Variants in PPP2R3B observed in about 807,000 individuals in gnomAD.
PPP2R3B encodes the protein protein phosphatase 2 regulatory subunit B''beta, also known as serine/threonine-protein phosphatase 2A regulatory subunit B'' subunit beta.
Under a neutral mutation model 72.9 loss-of-function variants are expected in PPP2R3B, and 68 were observed. The ratio of observed to expected loss-of-function variants is 0.93; its 90% CI spans 0.77 to 1.14. PPP2R3B has a LOEUF of 1.14. Ranked by LOEUF, PPP2R3B falls within the 50% of genes most tolerant of loss-of-function variation. PPP2R3B has a pLI of 0.00. For synonymous variants in PPP2R3B, 466 were observed against 375.8 expected, an observed-to-expected ratio of 1.24 and a Z score of -2.78; for missense variants, 1,018 against 842.0, an observed-to-expected ratio of 1.21 and a Z score of -2.59.
intron 1 of PPP2R3B, among the ~76,000 whole-genome samples, chrX:368,326 T>C (rs1328674571): frequency 1.1e-4 from 8 of 74,010 alleles, no homozygotes; most frequent in South Asian, 5.5e-4. Context: ...CCACCCACCT[T>C]GGGCACCGAC....
intron 6 of PPP2R3B, 40 bp from the exon 7 acceptor site, chrX:345,712 C>A: frequency 7.4e-7 from 1 of 1,344,074 alleles, no homozygotes. Context: ...GGGGCCTCTG[C>A]GGGGATGCCC....
At chrX:350,938 G>T (rs905304196) in intron 2 of PPP2R3B, among the ~76,000 whole-genome samples, 1 of 152,146 alleles carries the variant, frequency 6.6e-6, no homozygotes, top group Admixed American at 6.5e-5. Flanking sequence ...GAGAGGAGCC[G>T]GACGCCAGAG....
chrX:345,015 C>T (rs1452884456), intron 7 of PPP2R3B: 5 of 371,306 alleles, frequency 1.3e-5, no homozygotes, highest in Non-Finnish European at 2.6e-5. Flanking sequence ...GTGGATGACT[C>T]TTAGAGGGGC....
intron 1 of PPP2R3B, among the ~76,000 whole-genome samples, chrX:364,506 TA>T (rs748519595): frequency 0.14 from 6,314 of 44,314 alleles, 280 homozygotes; most frequent in Admixed American, 0.25. Context: ...TCATCTCTAC[TA>T]AAAAAAAAAA....
At chrX:344,624 G>A (rs1436981127) in intron 7 of PPP2R3B, among the ~76,000 whole-genome samples, 4 of 152,274 alleles carry the variant, frequency 2.6e-5, no homozygotes, top group African/African-American at 7.2e-5. Context: ...ATTCCCAGCT[G>A]TGCAGGTGCT....
Position 341,466 on chromosome X carries a change from G to T in PPP2R3B, c.1086-70C>A, listed in dbSNP as rs751600076. 2.6e-6 allele frequency: 4 copies of T among 1,532,216 alleles called. No homozygotes were observed. In the African/African-American group the frequency reaches 4.1e-5, roughly 16 times the overall value. 94.9% of individuals were successfully genotyped at this position (1,532,216 alleles called of 1,614,324 possible). Reference sequence around the variant, plus strand: ...AGAGCTTCACAGGAACGGAGCCCCTGTCCACGCGCCTCGGTGAGGGGAGCC... The same window carrying T: ...AGAGCTTCACAGGAACGGAGCCCCTTTCCACGCGCCTCGGTGAGGGGAGCC... On this transcript the variant is annotated intron_variant, in intron 8 of 12. Coordinates refer to ENST00000390665, the MANE Select transcript of PPP2R3B (RefSeq NM_013239.5).
intron 9 of PPP2R3B, 90 bp from the exon 10 acceptor site, chrX:341,030 C>A (rs775940206): frequency 4.2e-5 from 63 of 1,515,130 alleles, no homozygotes; most frequent in Non-Finnish European, 5.2e-5. Flanking sequence ...CGGGGGTGCA[C>A]GCGTCCCCGC....
Position 334,560 on chromosome X carries a change from C to T in PPP2R3B, c.1578-43G>A, listed in dbSNP as rs757010266. ...CGAAGACGTGGCCAGCAGCGCGGAG[C>T]AGGCCCTGGGCCGTTTTCCGGGAAA... On this transcript the variant is annotated intron_variant, in intron 12 of 12. Coordinates refer to ENST00000390665, the MANE Select transcript of PPP2R3B (RefSeq NM_013239.5). 6 of 1,450,492 alleles carry T rather than the reference C, an allele frequency of 4.1e-6. No individual in the cohort carries two copies. The Admixed American group carries it at 1.3e-4, about 32-fold the overall frequency. The allele number at this position is 1,450,492 out of a possible 1,614,324, so 89.9% of individuals were successfully genotyped here.
At chrX:346,082 G>A in intron 6 of PPP2R3B, 92 bp downstream of exon 6, 3 of 596,650 alleles carry the variant, frequency 5.0e-6, no homozygotes, top group South Asian at 1.8e-5. Context: ...GGTGGGAGGG[G>A]AGGAGGGAGG....
At chrX:343,974 G>T (rs2071134200) in intron 7 of PPP2R3B, among the ~76,000 whole-genome samples, 1 of 133,282 alleles carries the variant, frequency 7.5e-6, no homozygotes, top group African/African-American at 2.9e-5. Flanking sequence ...GGAGGCGGGA[G>T]GGAGACCTCA....
At chrX:341,078 C>G in intron 9 of PPP2R3B, 138 bp from the exon 10 acceptor site, 1 of 1,303,748 alleles carries the variant, frequency 7.7e-7, no homozygotes, top group East Asian at 2.4e-5. Context: ...CAGGCATCCC[C>G]TGCCCCCTGC....
chrX:340,754 C>T lies in PPP2R3B; in HGVS notation c.1351+11G>A, dbSNP rs368688700. 5.4e-5 allele frequency: 86 copies of T among 1,607,458 alleles called. No individual in the cohort carries two copies. The highest frequency in any genetic ancestry group is 3.5e-4 in the African/African-American group (26 of 74,766). ...CCCCTCACCCTGGGCCATGCCCTCACGGGGCATCACCTTCAGTCCTCGGCT... is the reference window on the plus strand; with the variant it reads ...CCCCTCACCCTGGGCCATGCCCTCATGGGGCATCACCTTCAGTCCTCGGCT... On this transcript the variant is annotated intron_variant, in intron 10 of 12. Transcript: ENST00000390665.
At chrX:338,153 C>G (rs960398247) in intron 12 of PPP2R3B, 8 of 248,060 alleles carry the variant, frequency 3.2e-5, no homozygotes, top group Non-Finnish European at 5.5e-5. Flanking sequence ...GCTGAAGACA[C>G]GAAGAACCCT....
chrX:377,907 A>G (rs191833572), intron 1 of PPP2R3B, among the ~76,000 whole-genome samples: 1,238 of 45,068 alleles, frequency 0.027, 120 homozygotes, highest in Admixed American at 0.032. Flanking sequence ...GGGACGGGCC[A>G]TCCACACCCA....
chrX:340,742 G>C, intron 10 of PPP2R3B, 23 bp downstream of exon 10: 1 of 1,608,626 alleles, frequency 6.2e-7, no homozygotes, highest in Non-Finnish European at 8.5e-7. Flanking sequence ...CTCACCCTGG[G>C]CCATGCCCTC....
At chrX:379,615 AGAG>A (rs1348593036) in intron 1 of PPP2R3B, among the ~76,000 whole-genome samples, 1 of 152,280 alleles carries the variant, frequency 6.6e-6, no homozygotes, top group Non-Finnish European at 1.5e-5. Flanking sequence ...TCCAGAAATT[AGAG>A]AAGAACTAAA....
At chrX:347,206 G>A (rs1309627115) in intron 4 of PPP2R3B, 28 bp downstream of exon 4, 1 of 1,578,682 alleles carries the variant, frequency 6.3e-7, no homozygotes, top group Non-Finnish European at 8.7e-7. Context: ...TGAAGGATAA[G>A]GCCTGTGGTG....
At chrX:375,281 G>C (rs1283641180) in intron 1 of PPP2R3B, among the ~76,000 whole-genome samples, 6 of 152,190 alleles carry the variant, frequency 3.9e-5, no homozygotes, top group Non-Finnish European at 8.8e-5. Flanking sequence ...ACCAGGAGAC[G>C]ATTTAAACAA....
chrX:361,299 CCTCA>C (rs3841328), intron 2 of PPP2R3B, 102 bp downstream of exon 2: 644,829 of 1,318,502 alleles, frequency 0.49, 161,225 homozygotes, highest in Non-Finnish European at 0.52. Flanking sequence ...GGCCGTGCCG[CCTCA>C]CTCACGCTCG....
Sources: gnomAD v4.1 joint callset for allele counts (sites outside exome capture counted in the v4.1 genomes callset) on GRCh38, gnomAD v4.1.1 for gene constraint, MANE v1.5 for transcripts, NCBI Gene and HGNC (gene_info 2026-07-23, HGNC 2026-07-21) for gene names.